ATP8A2: variants seen among roughly 807,000 people sequenced by gnomAD.
ATP8A2 encodes phospholipid-transporting ATPase IB.
Under a neutral mutation model 165.6 loss-of-function variants are expected in ATP8A2, and 100 were observed. The ratio of observed to expected loss-of-function variants is 0.60; its 90% CI spans 0.51 to 0.71. The LOEUF is 0.71. Among genes scored for constraint, ATP8A2 ranks in the 30% least tolerant of loss-of-function variants. ATP8A2 has a pLI of 0.00. For synonymous variants in ATP8A2, 543 were observed against 548.8 expected, an observed-to-expected ratio of 0.99 and a Z score of 0.15; for missense variants, 1,227 against 1,479.5, an observed-to-expected ratio of 0.83 and a Z score of 2.80.
chr13:25,823,827 T>G (rs1228800611), intron 27 of ATP8A2, among the ~76,000 whole-genome samples: 1 of 152,202 alleles, frequency 6.6e-6, no homozygotes, highest in East Asian at 1.9e-4. Flanking sequence ...TGTTATATCT[T>G]TGAACATTTT....
chr13:25,866,959 G>T (rs1242778321), intron 33 of ATP8A2, among the ~76,000 whole-genome samples: 1 of 152,130 alleles, frequency 6.6e-6, no homozygotes. Flanking sequence ...TACACCACGA[G>T]ACATGAAATC....
intron 29 of ATP8A2, among the ~76,000 whole-genome samples, 153 bp downstream of exon 29, chr13:25,837,438 C>G (rs909030753): frequency 2.1e-5 from 3 of 143,134 alleles, no homozygotes; most frequent in African/African-American, 5.9e-5. Flanking sequence ...CACACACACA[C>G]ACACACACAC....
intron 13 of ATP8A2, among the ~76,000 whole-genome samples, chr13:25,556,904 A>AAAT (rs1477469079): frequency 1.3e-5 from 2 of 152,132 alleles, no homozygotes; most frequent in African/African-American, 4.8e-5. Flanking sequence ...GCTCCTCATT[A>AAAT]TCCCTCTGTG....
chr13:25,918,592 T>C (rs1026327188), intron 33 of ATP8A2, among the ~76,000 whole-genome samples: 3 of 152,186 alleles, frequency 2.0e-5, no homozygotes, highest in African/African-American at 7.2e-5. Context: ...TGTTATAATA[T>C]ATTATAATTG....
chr13:25,874,134 G>GTT (rs570876321), intron 33 of ATP8A2, among the ~76,000 whole-genome samples: 2 of 152,148 alleles, frequency 1.3e-5, no homozygotes, highest in Non-Finnish European at 2.9e-5. Flanking sequence ...CTGGCTTCCT[G>GTT]TTGCCCTCAG....
intron 35 of ATP8A2, among the ~76,000 whole-genome samples, chr13:26,004,635 G>C (rs1956704796): frequency 6.6e-6 from 1 of 152,030 alleles, no homozygotes; most frequent in Non-Finnish European, 1.5e-5. Flanking sequence ...TATGATGTTA[G>C]CTATGGGTTT....
Position 25,529,861 on chromosome 13 carries a change from C to T in ATP8A2, c.222-138C>T, listed in dbSNP as rs534890909. The T allele has an allele frequency of 3.4e-5, 19 of 555,192 alleles. No individual in the cohort carries two copies. In the African/African-American group the frequency reaches 3.4e-4, roughly 10 times the overall value. The allele number at this position is 555,192 out of a possible 1,614,324, so 34.4% of individuals were successfully genotyped here. ...AACTAAAGCTCTTTAGGAGAAGATA[C>T]ACAGCAATTTCCTTGTCTTGAGTTT... On this transcript the variant is annotated intron_variant, in intron 2 of 36. Transcript: ENST00000381655.
chr13:25,741,383 T>A (rs1379413045), intron 25 of ATP8A2, among the ~76,000 whole-genome samples: 2 of 152,034 alleles, frequency 1.3e-5, no homozygotes, highest in Non-Finnish European at 2.9e-5. Context: ...TTTTAGTTGT[T>A]TGTTTGTTTG....
At chr13:25,516,291 A>C (rs1240074746) in intron 2 of ATP8A2, among the ~76,000 whole-genome samples, 1 of 151,920 alleles carries the variant, frequency 6.6e-6, no homozygotes, top group African/African-American at 2.4e-5. Context: ...CCCTTGACTG[A>C]GGGCAAAAGC....
intron 2 of ATP8A2, among the ~76,000 whole-genome samples, chr13:25,500,207 A>G (rs2036811137): frequency 6.6e-6 from 1 of 152,192 alleles, no homozygotes; most frequent in Non-Finnish European, 1.5e-5. Context: ...AGGAAGGCAC[A>G]ATAGGGTGAG....
intron 35 of ATP8A2, among the ~76,000 whole-genome samples, chr13:26,006,986 C>G (rs1157117835): frequency 1.3e-5 from 2 of 148,720 alleles, no homozygotes; most frequent in African/African-American, 4.9e-5. Flanking sequence ...AAGAGATTCT[C>G]TCTTTAAAAA....
At chr13:25,459,110 GC>G (rs998532734) in intron 1 of ATP8A2, among the ~76,000 whole-genome samples, 3 of 152,164 alleles carry the variant, frequency 2.0e-5, no homozygotes, top group Admixed American at 6.5e-5. Flanking sequence ...TATTCCCCAT[GC>G]CCCCATCTCT....
intron 27 of ATP8A2, among the ~76,000 whole-genome samples, chr13:25,778,102 G>A (rs995486215): frequency 6.6e-6 from 1 of 152,054 alleles, no homozygotes; most frequent in Non-Finnish European, 1.5e-5. Context: ...ATTTCACAGG[G>A]GGGTTTCCTG....
chr13:25,658,500 G>A (rs1289179740), intron 24 of ATP8A2, among the ~76,000 whole-genome samples: 1 of 152,082 alleles, frequency 6.6e-6, no homozygotes, highest in Non-Finnish European at 1.5e-5. Flanking sequence ...TTAGCCGGGG[G>A]TGGTGGTGCG....
At chr13:25,646,229 G>A (rs2041666952) in intron 24 of ATP8A2, among the ~76,000 whole-genome samples, 1 of 152,056 alleles carries the variant, frequency 6.6e-6, no homozygotes, top group South Asian at 2.1e-4. Context: ...TTTAAGTATA[G>A]CTACCTCTGC....
chr13:25,612,749 A>G (rs1385634270), intron 24 of ATP8A2, among the ~76,000 whole-genome samples: 2 of 152,138 alleles, frequency 1.3e-5, no homozygotes, highest in East Asian at 3.9e-4. Flanking sequence ...AGTCGCCACT[A>G]TTATTGTGTT....
At chr13:25,558,832 T>C in intron 13 of ATP8A2, 141 bp from the exon 14 acceptor site, 1 of 551,952 alleles carries the variant, frequency 1.8e-6, no homozygotes, top group Admixed American at 3.5e-5. Context: ...TATTAATATA[T>C]TTTTTGTTAC....
chr13:25,475,877 C>T (rs753072991), intron 2 of ATP8A2, among the ~76,000 whole-genome samples: 3 of 152,038 alleles, frequency 2.0e-5, no homozygotes, highest in Non-Finnish European at 4.4e-5. Flanking sequence ...GTATTTTGTT[C>T]TTATAAATTT....
At position 25,657,799 on chromosome 13, in the gene ATP8A2, G is replaced by GCGTTAA. The variant is rs538308317; in HGVS notation, c.2212-41372_2212-41367dup. Among the ~76,000 whole-genome samples the GCGTTAA allele has an allele frequency of 1.3e-4, 20 of 152,362 alleles. No individual in the cohort carries two copies. In the South Asian group the frequency reaches 3.9e-3, roughly 30 times the overall value. On this transcript the variant is annotated intron_variant, in intron 24 of 36. Coordinates refer to ENST00000381655, the MANE Select transcript of ATP8A2 (RefSeq NM_016529.6). ...GTCATTCAGGAAATACCTACTGTGT[G>GCGTTAA]CGTTAACACGTAATTTAGTACATAT...
Sources: allele counts gnomAD v4.1 joint callset (sites outside exome capture counted in the v4.1 genomes callset), GRCh38; gene constraint gnomAD v4.1.1; transcripts MANE v1.5; gene names NCBI Gene and HGNC (gene_info 2026-07-23, HGNC 2026-07-21).